Variants in EPS15L1 observed in about 807,000 individuals in gnomAD.
EPS15L1 encodes the protein epidermal growth factor receptor substrate 15-like 1.
A neutral mutation model predicts 117.1 loss-of-function variants in EPS15L1; 43 were observed. The observed-to-expected ratio is 0.37, with a 90% CI of 0.29 to 0.47. The LOEUF is 0.47. EPS15L1 is among the 20% of genes least tolerant of loss of function. The pLI is 0.99. For synonymous variants in EPS15L1, 459 were observed against 470.5 expected, an observed-to-expected ratio of 0.98 and a Z score of 0.32; for missense variants, 981 against 1,164.0, an observed-to-expected ratio of 0.84 and a Z score of 2.29.
chr19:16,401,632 G>T, intron 16 of EPS15L1: 1 of 985,398 alleles, frequency 1.0e-6, no homozygotes, highest in East Asian at 1.1e-4. Flanking sequence ...GAACAGGGGG[G>T]ATGTGACCAC....
At chr19:16,428,902 C>T (rs903886315) in intron 7 of EPS15L1, 141 bp from the exon 8 acceptor site, 3 of 639,652 alleles carry the variant, frequency 4.7e-6, no homozygotes, top group South Asian at 1.9e-5. Context: ...AGGACCAGTC[C>T]GCGAGTTCTC....
At chr19:16,394,883 T>C (rs558436835) in intron 17 of EPS15L1, among the ~76,000 whole-genome samples, 1 of 152,132 alleles carries the variant, frequency 6.6e-6, no homozygotes, top group Non-Finnish European at 1.5e-5. Flanking sequence ...CACTGTATCT[T>C]GATGCCTTGG....
intron 19 of EPS15L1, 150 bp downstream of exon 19, chr19:16,392,153 TG>T: frequency 1.2e-6 from 1 of 839,922 alleles, no homozygotes; most frequent in Non-Finnish European, 1.8e-6. Context: ...GAAATCAGCC[TG>T]GGATACCAGC....
chr19:16,361,854 T>G lies in EPS15L1; in HGVS notation c.2511A>C (p.Gly837=). The G allele has an allele frequency of 6.2e-7, 1 of 1,614,100 alleles. No homozygotes were observed. The highest frequency in any genetic ancestry group is 8.5e-7 in the Non-Finnish European group (1 of 1,179,990). The part of the protein sequence containing the change: ...SKKGFGDPFS[G]KDPFVPSSAA... ...CAGAGGAGGGGACAAATGGGTCTTTTCCACTAAACGGGTCCCCAAACCCCT... is the reference window on the plus strand; with the variant it reads ...CAGAGGAGGGGACAAATGGGTCTTTGCCACTAAACGGGTCCCCAAACCCCT... Residue 837 remains glycine (G), a synonymous_variant, in exon 23 of 24, where the codon GGA becomes GGC. Transcript: ENST00000455140.
intron 12 of EPS15L1, 150 bp downstream of exon 12, chr19:16,417,402 G>T: frequency 1.5e-6 from 1 of 682,026 alleles, no homozygotes; most frequent in Non-Finnish European, 2.6e-6. Flanking sequence ...CCTTGAGCCA[G>T]TTTAGGACCT....
chr19:16,460,010 T>C (rs957855791), intron 1 of EPS15L1, among the ~76,000 whole-genome samples: 6 of 152,198 alleles, frequency 3.9e-5, no homozygotes, highest in African/African-American at 1.4e-4. Flanking sequence ...GAATGGTGGC[T>C]CAGGCCTGTA....
chr19:16,362,454 T>G (rs2144633671), intron 22 of EPS15L1, among the ~76,000 whole-genome samples: 1 of 151,416 alleles, frequency 6.6e-6, no homozygotes, highest in South Asian at 2.1e-4. Flanking sequence ...GGTATGGTTA[T>G]TCGGTGTGTT....
intron 12 of EPS15L1, among the ~76,000 whole-genome samples, chr19:16,417,150 C>A (rs947324579): frequency 6.6e-6 from 1 of 152,206 alleles, no homozygotes; most frequent in Non-Finnish European, 1.5e-5. Flanking sequence ...CTGCCCATGA[C>A]CTGCCTGGGA....
Position 16,355,657 on chromosome 19 carries a change from C to T in EPS15L1, c.*48G>A, listed in dbSNP as rs1205368364. On this transcript the variant is annotated 3_prime_UTR_variant, in exon 24 of 24. Coordinates refer to ENST00000455140, the MANE Select transcript of EPS15L1 (RefSeq NM_001258374.3). ...TATATATAGACATCTGCACTGCCCC[C>T]TCTCTGGAACCCGCCCGTGCCCTGT... 3 of 1,522,432 alleles carry T rather than the reference C, an allele frequency of 2.0e-6. No individual in the cohort carries two copies. The highest frequency in any genetic ancestry group is 2.0e-5 in the Admixed American group (1 of 50,460). 94.3% of individuals were successfully genotyped at this position (1,522,432 alleles called of 1,614,324 possible). A position where few individuals can be genotyped will look rare whatever the true frequency, so the allele number is the denominator to read the frequency against.
At chr19:16,450,957 CTTTTTT>C (rs201406459) in intron 1 of EPS15L1, among the ~76,000 whole-genome samples, 4 of 147,852 alleles carry the variant, frequency 2.7e-5, no homozygotes, top group African/African-American at 9.9e-5. Flanking sequence ...GGTACAGGCT[CTTTTTT>C]TTTTGAGACA....
intron 1 of EPS15L1, among the ~76,000 whole-genome samples, chr19:16,449,956 T>A (rs1424354024): frequency 2.0e-5 from 3 of 151,888 alleles, no homozygotes; most frequent in African/African-American, 4.8e-5. Flanking sequence ...GATAAAATTG[T>A]AGAAATGAAC....
chr19:16,362,367 C>T (rs2092067075), intron 22 of EPS15L1, among the ~76,000 whole-genome samples: 1 of 138,748 alleles, frequency 7.2e-6, no homozygotes, highest in African/African-American at 2.9e-5. Context: ...ACACTGCAAG[C>T]TTCTAACAGT....
At chr19:16,358,610 G>A (rs1417908886) in intron 23 of EPS15L1, among the ~76,000 whole-genome samples, 1 of 152,052 alleles carries the variant, frequency 6.6e-6, no homozygotes, top group Non-Finnish European at 1.5e-5. Context: ...AAGCAAATAA[G>A]TGGTTCATTT....
At chr19:16,384,858 A>G (rs1257308878) in intron 21 of EPS15L1, among the ~76,000 whole-genome samples, 1 of 152,108 alleles carries the variant, frequency 6.6e-6, no homozygotes, top group East Asian at 1.9e-4. Context: ...CATGGCAATG[A>G]CTTCACCGTC....
At chr19:16,401,887 G>A (rs1254969322) in intron 16 of EPS15L1, 5 of 990,700 alleles carry the variant, frequency 5.0e-6, no homozygotes, top group Non-Finnish European at 6.0e-6. Context: ...GCTTTTCAAG[G>A]TGTTCCTTGT....
chr19:16,442,078 GA>G, intron 2 of EPS15L1, 97 bp from the exon 3 acceptor site: 3 of 1,487,454 alleles, frequency 2.0e-6, no homozygotes, highest in Non-Finnish European at 2.8e-6. Flanking sequence ...ACAGTGAACA[GA>G]AAAGGACAAA....
rs570230187 is a variant in EPS15L1 at position 16,431,594 on chromosome 19, A to G, written c.498+2771T>C. ...TGGGATTACATGCGTGAGCCACCGTACCGGGCCAGAAGGAATAAGTTCTAA... is the reference window on the plus strand; with the variant it reads ...TGGGATTACATGCGTGAGCCACCGTGCCGGGCCAGAAGGAATAAGTTCTAA... On this transcript the variant is annotated intron_variant, in intron 7 of 23. Coordinates refer to ENST00000455140, the MANE Select transcript of EPS15L1 (RefSeq NM_001258374.3). Among the ~76,000 whole-genome samples the G allele has an allele frequency of 1.0e-3, 157 of 152,248 alleles. 2 individuals are homozygous for G. Among genetic ancestry groups the G allele is most frequent in the South Asian group, 7.3e-3 (35 of 4,826 alleles).
chr19:16,430,041 G>A (rs1034929371), intron 7 of EPS15L1, among the ~76,000 whole-genome samples: 4 of 152,228 alleles, frequency 2.6e-5, no homozygotes, highest in Non-Finnish European at 5.9e-5. Context: ...GGGTGGAAGT[G>A]TCCAGGGGGA....
intron 1 of EPS15L1, among the ~76,000 whole-genome samples, chr19:16,442,421 T>C (rs562879910): frequency 6.6e-6 from 1 of 152,324 alleles, no homozygotes; most frequent in East Asian, 1.9e-4. Flanking sequence ...TTAGAAAAAG[T>C]AAGCTTAATG....
Sources: gnomAD v4.1 joint callset for allele counts (sites outside exome capture counted in the v4.1 genomes callset) on GRCh38, gnomAD v4.1.1 for gene constraint, MANE v1.5 for transcripts, NCBI Gene and HGNC (gene_info 2026-07-23, HGNC 2026-07-21) for gene names.